Variants in NCK2 observed in about 807,000 individuals in gnomAD.
The protein encoded by NCK2 is NCK adaptor protein 2.
In NCK2, 16 loss-of-function variants were observed where a neutral mutation model predicts 33.9. That is an observed-to-expected ratio of 0.47 (90% CI 0.32 to 0.72). The LOEUF (loss-of-function observed/expected upper bound fraction) is 0.72, where lower values mean the gene tolerates loss of function less well. Among genes scored for constraint, NCK2 ranks in the 30% least tolerant of loss-of-function variants. The pLI is 0.03. For missense variants in NCK2, 418 were observed against 537.3 expected (o/e 0.78, Z 2.19); for synonymous variants, 273 against 239.9 (o/e 1.14, Z -1.27).
In NCK2 at chr2:105,831,472, A is replaced by G. The variant is rs186918844; in HGVS notation, c.-17+14859A>G. ...ATGCTGTAAAATCTTTGCCCAGACC[A>G]ATGTCCTAATGTATTTCCCCTATAT... On this transcript the variant is annotated intron_variant, in intron 2 of 4. Coordinates refer to ENST00000233154, the MANE Select transcript of NCK2 (RefSeq NM_003581.5). Among the ~76,000 whole-genome samples the G allele has an allele frequency of 3.6e-3, 539 of 150,872 alleles. 2 individuals are homozygous for G. Among genetic ancestry groups the G allele is most frequent in the Non-Finnish European group, 6.1e-3 (414 of 67,780 alleles).
chr2:105,796,793 T>C lies in NCK2; in HGVS notation c.-200-19637T>C, dbSNP rs528046499. On this transcript the variant is annotated intron_variant, in intron 1 of 4. Transcript: ENST00000233154. Reference sequence around the variant, plus strand: ...AGCATTTCTCTTTGACGCAGGTAAATGCAGTATACATTTGATTCCATGGAA... The same window carrying C: ...AGCATTTCTCTTTGACGCAGGTAAACGCAGTATACATTTGATTCCATGGAA... Among the ~76,000 whole-genome samples, 177 of 152,298 alleles carry C rather than the reference T, an allele frequency of 1.2e-3. 1 individual carries two copies. The highest frequency in any genetic ancestry group is 4.1e-3 in the African/African-American group (172 of 41,566).
chr2:105,776,789 C>T (rs149323469), intron 1 of NCK2, among the ~76,000 whole-genome samples: 71 of 152,136 alleles, frequency 4.7e-4, no homozygotes, highest in African/African-American at 1.5e-3. Context: ...CGTGACTATT[C>T]GAGGGTACCA....
intron 2 of NCK2, among the ~76,000 whole-genome samples, chr2:105,837,752 C>G (rs184287533): frequency 5.3e-5 from 8 of 152,334 alleles, no homozygotes. Flanking sequence ...TTCAACCTTC[C>G]TAACACATTA....
At chr2:105,770,143 GAAAA>G (rs1168851903) in intron 1 of NCK2, among the ~76,000 whole-genome samples, 1 of 139,788 alleles carries the variant, frequency 7.2e-6, no homozygotes, top group Non-Finnish European at 1.6e-5. Flanking sequence ...AAAAAAAAAA[GAAAA>G]AGGTATATTG....
At chr2:105,819,010 G>A (rs1159163409) in intron 2 of NCK2, among the ~76,000 whole-genome samples, 2 of 152,110 alleles carry the variant, frequency 1.3e-5, no homozygotes, top group Non-Finnish European at 2.9e-5. Context: ...TAGTGTTCTC[G>A]TCGTGTTACG....
intron 3 of NCK2, among the ~76,000 whole-genome samples, chr2:105,866,433 C>A (rs1677765741): frequency 6.6e-6 from 1 of 152,160 alleles, no homozygotes; most frequent in African/African-American, 2.4e-5. Context: ...AGTCCCCAAA[C>A]TTTTTGGCAC....
chr2:105,831,410 C>CTTTTTTTTTT (rs56247904), intron 2 of NCK2, among the ~76,000 whole-genome samples: 3 of 144,846 alleles, frequency 2.1e-5, no homozygotes, highest in Non-Finnish European at 3.0e-5. Flanking sequence ...AGCATGATAT[C>CTTTTTTTTTT]TTTTTTTTTT....
At chr2:105,748,269 C>CT (rs1337461409) in intron 1 of NCK2, among the ~76,000 whole-genome samples, 2 of 152,202 alleles carry the variant, frequency 1.3e-5, no homozygotes, top group African/African-American at 4.8e-5. Flanking sequence ...TCTCTTACTT[C>CT]TTTTCTTCCC....
At chr2:105,763,268 G>A (rs1458906030) in intron 1 of NCK2, among the ~76,000 whole-genome samples, 2 of 152,286 alleles carry the variant, frequency 1.3e-5, no homozygotes, top group South Asian at 2.1e-4. Flanking sequence ...AGGGGAGAGC[G>A]GGACCTCGCC....
chr2:105,798,589 A>G (rs1691165833), intron 1 of NCK2, among the ~76,000 whole-genome samples: 1 of 152,184 alleles, frequency 6.6e-6, no homozygotes, highest in Admixed American at 6.5e-5. Context: ...CCCCAAAGAT[A>G]CATGTAAGCT....
chr2:105,832,351 A>G (rs1327834119), intron 2 of NCK2, among the ~76,000 whole-genome samples: 1 of 152,192 alleles, frequency 6.6e-6, no homozygotes, highest in Non-Finnish European at 1.5e-5. Flanking sequence ...AGGATTATAA[A>G]CAATACATTG....
chr2:105,885,254 T>G (rs1222976420), intron 4 of NCK2, among the ~76,000 whole-genome samples: 1 of 152,226 alleles, frequency 6.6e-6, no homozygotes, highest in Non-Finnish European at 1.5e-5. Flanking sequence ...ATCATGTATT[T>G]ATTATGTCCT....
At chr2:105,781,819 G>C (rs1558834254) in intron 1 of NCK2, among the ~76,000 whole-genome samples, 1 of 152,204 alleles carries the variant, frequency 6.6e-6, no homozygotes, top group Non-Finnish European at 1.5e-5. Context: ...GAATGAGTCT[G>C]TGATAAGGAC....
rs552273873 is a variant in NCK2 at position 105,864,429 on chromosome 2, T to G, written c.226+9140T>G. On this transcript the variant is annotated intron_variant, in intron 3 of 4. Coordinates refer to ENST00000233154, the MANE Select transcript of NCK2 (RefSeq NM_003581.5). ...GAAGTATTAGAATGACTCAAGAGTT[T>G]CCAGCCTGAAGGACCAACAGTGACC... Among the ~76,000 whole-genome samples the G allele has an allele frequency of 3.9e-5, 6 of 152,132 alleles. No homozygotes were observed. In the South Asian group the frequency reaches 1.3e-3, roughly 32 times the overall value.
intron 1 of NCK2, among the ~76,000 whole-genome samples, chr2:105,763,184 C>T (rs561468718): frequency 2.0e-4 from 30 of 152,164 alleles, no homozygotes; most frequent in African/African-American, 5.1e-4. Flanking sequence ...GGCGACAGAA[C>T]GAGACTCTTG....
chr2:105,769,463 T>C (rs1045138154), intron 1 of NCK2, among the ~76,000 whole-genome samples: 3 of 152,246 alleles, frequency 2.0e-5, no homozygotes, highest in Non-Finnish European at 4.4e-5. Flanking sequence ...TAGTAACATT[T>C]CTAAGGAAGC....
intron 2 of NCK2, among the ~76,000 whole-genome samples, chr2:105,852,066 A>G (rs1677089437): frequency 6.6e-6 from 1 of 152,090 alleles, no homozygotes; most frequent in South Asian, 2.1e-4. Context: ...CTGAGTTGGA[A>G]TAAGCCTATC....
chr2:105,809,922 G>A (rs539980092), intron 1 of NCK2, among the ~76,000 whole-genome samples: 1 of 152,306 alleles, frequency 6.6e-6, no homozygotes, highest in East Asian at 1.9e-4. Context: ...AACACTGAGG[G>A]GGAGAGGGCA....
At chr2:105,763,334 TG>T (rs772529607) in intron 1 of NCK2, among the ~76,000 whole-genome samples, 1 of 152,144 alleles carries the variant, frequency 6.6e-6, no homozygotes, top group Non-Finnish European at 1.5e-5. Context: ...CCGAGGCTGC[TG>T]GCCAGAGACA....
Sources: gnomAD v4.1 joint callset for allele counts (sites outside exome capture counted in the v4.1 genomes callset) on GRCh38, gnomAD v4.1.1 for gene constraint, MANE v1.5 for transcripts, NCBI Gene and HGNC (gene_info 2026-07-23, HGNC 2026-07-21) for gene names.